The following MDGA2 variants were observed in gnomAD, a reference collection of about 807,000 sequenced individuals.
MDGA2 encodes the protein MAM domain-containing glycosylphosphatidylinositol anchor protein 2.
MDGA2 carries 40 observed loss-of-function variants against 117.8 expected under a neutral mutation model. That is an observed-to-expected ratio of 0.34 (90% CI 0.26 to 0.44). MDGA2 has a LOEUF of 0.44. Among genes scored for constraint, MDGA2 ranks in the 20% least tolerant of loss-of-function variants. The probability of loss-of-function intolerance (pLI) is 1.00; values close to 1 mark genes in which losing one functional copy is unlikely to be tolerated. For synonymous variants in MDGA2, 452 were observed against 439.0 expected (o/e 1.03, Z -0.37); for missense variants, 1,123 against 1,250.6 (o/e 0.90, Z 1.54).
chr14:46,841,956 A>T lies in MDGA2; in HGVS notation c.3053T>A (p.Ile1018Asn). The T allele has an allele frequency of 6.2e-7, 1 of 1,612,606 alleles. No homozygotes were observed. Among genetic ancestry groups the T allele is most frequent in the Middle Eastern group, 1.7e-4 (1 of 6,056 alleles). ...HIWLFPIIVL[I>N]SILSPRR ...TCACCTTCGAGGACTTAAGATAGAG[A>T]TGAGGACGATAATGGGAAAAAGCCA... Residue 1018 changes from isoleucine to asparagine, a missense_variant, in exon 17 of 17, where the codon ATC (isoleucine) becomes AAC (asparagine). This residue lies in a region of MDGA2 where 890 missense variants were observed against 1,050.3 expected (regional missense o/e 0.85). Transcript: ENST00000399232.
chr14:47,530,577 T>C (rs1895077239), intron 1 of MDGA2, among the ~76,000 whole-genome samples: 1 of 152,140 alleles, frequency 6.6e-6, no homozygotes, highest in African/African-American at 2.4e-5. Context: ...CCTCATTAAC[T>C]TACCCCCATC....
chr14:47,623,647 A>G lies in MDGA2; in HGVS notation c.280+50870T>C, dbSNP rs576005586. On this transcript the variant is annotated intron_variant, in intron 1 of 16. Coordinates refer to ENST00000399232, the MANE Select transcript of MDGA2 (RefSeq NM_001113498.3). ...ATCATAAACACCTCATTTAATTGTC[A>G]TTACAATTGTGTGAGTTACAGAAAA... 5.3e-5 allele frequency among the ~76,000 whole-genome samples: 8 copies of G among 152,300 alleles called. 1 individual carries two copies. In the South Asian group the frequency reaches 1.7e-3, roughly 32 times the overall value.
intron 9 of MDGA2, among the ~76,000 whole-genome samples, chr14:46,953,357 G>T (rs1885438166): frequency 1.3e-5 from 2 of 150,146 alleles, no homozygotes; most frequent in African/African-American, 2.4e-5. Flanking sequence ...TCATTTAAAA[G>T]AATCTTAAAA....
At chr14:47,227,034 T>C (rs1338752232) in intron 2 of MDGA2, among the ~76,000 whole-genome samples, 2 of 152,126 alleles carry the variant, frequency 1.3e-5, no homozygotes, top group African/African-American at 4.8e-5. Flanking sequence ...CCTGCCCCCT[T>C]TGTTTCCATG....
chr14:47,589,595 A>G (rs558023976), intron 1 of MDGA2, among the ~76,000 whole-genome samples: 5 of 152,110 alleles, frequency 3.3e-5, no homozygotes, highest in Middle Eastern at 3.4e-3. Context: ...ATATCAGGTC[A>G]CATGAATCCT....
At chr14:47,238,922 G>T (rs1228404612) in intron 2 of MDGA2, among the ~76,000 whole-genome samples, 1 of 151,660 alleles carries the variant, frequency 6.6e-6, no homozygotes, top group Non-Finnish European at 1.5e-5. Flanking sequence ...GATGAGCTAA[G>T]AGGTAGAAAG....
At position 47,407,738 on chromosome 14, in the gene MDGA2, T is replaced by A. The variant is rs1165096897; in HGVS notation, c.281-106188A>T. ...TCAATAGGGCAATACCTTAATATTA[T>A]AGTGAAAATGAGAGTTATTTGTTTA... On this transcript the variant is annotated intron_variant, in intron 1 of 16. Coordinates refer to ENST00000399232, the MANE Select transcript of MDGA2 (RefSeq NM_001113498.3). 5.9e-5 allele frequency among the ~76,000 whole-genome samples: 9 copies of A among 152,314 alleles called. No individual in the cohort carries two copies. In the South Asian group the frequency reaches 1.9e-3, roughly 32 times the overall value.
intron 12 of MDGA2, among the ~76,000 whole-genome samples, chr14:46,875,057 C>T (rs1882170776): frequency 6.6e-6 from 1 of 151,768 alleles, no homozygotes; most frequent in African/African-American, 2.4e-5. Flanking sequence ...TTCACTCAGC[C>T]TCATAACAAC....
intron 2 of MDGA2, among the ~76,000 whole-genome samples, chr14:47,260,709 T>G (rs963885769): frequency 4.6e-4 from 70 of 152,040 alleles, no homozygotes; most frequent in African/African-American, 1.5e-3. Context: ...GAACATACAT[T>G]TGACAGGACT....
intron 1 of MDGA2, among the ~76,000 whole-genome samples, chr14:47,610,802 C>T (rs1267336099): frequency 6.6e-6 from 1 of 151,996 alleles, no homozygotes; most frequent in Non-Finnish European, 1.5e-5. Flanking sequence ...TCTACAAATT[C>T]AATGCAATCC....
At chr14:47,177,830 T>C (rs1318386444) in intron 3 of MDGA2, among the ~76,000 whole-genome samples, 1 of 151,868 alleles carries the variant, frequency 6.6e-6, no homozygotes, top group Non-Finnish European at 1.5e-5. Context: ...AAAGAAGAAA[T>C]TTTATGTTAA....
At chr14:47,375,642 T>A (rs1891461136) in intron 1 of MDGA2, among the ~76,000 whole-genome samples, 2 of 152,098 alleles carry the variant, frequency 1.3e-5, no homozygotes, top group Non-Finnish European at 2.9e-5. Flanking sequence ...ACTCGTCCAA[T>A]CCTCGCAACT....
At chr14:47,278,070 T>C (rs1888361662) in intron 2 of MDGA2, among the ~76,000 whole-genome samples, 1 of 151,982 alleles carries the variant, frequency 6.6e-6, no homozygotes, top group Non-Finnish European at 1.5e-5. Context: ...GAAAAACCTC[T>C]GAGGTTTAAA....
chr14:47,292,959 A>C (rs1888940160), intron 2 of MDGA2, among the ~76,000 whole-genome samples: 1 of 152,154 alleles, frequency 6.6e-6, no homozygotes, highest in Non-Finnish European at 1.5e-5. Flanking sequence ...ATTGATATCT[A>C]TATTGAGTCT....
intron 1 of MDGA2, among the ~76,000 whole-genome samples, chr14:47,508,015 C>A (rs547821863): frequency 1.3e-5 from 2 of 152,308 alleles, no homozygotes; most frequent in Admixed American, 6.5e-5. Flanking sequence ...TACTTCCTGA[C>A]ATCAGTGAAA....
chr14:47,015,633 A>G (rs1410571885), intron 8 of MDGA2, among the ~76,000 whole-genome samples: 2 of 152,128 alleles, frequency 1.3e-5, no homozygotes, highest in African/African-American at 4.8e-5. Flanking sequence ...AAGGATTTGC[A>G]ATTCATTCAT....
At chr14:47,283,739 C>T (rs1888578957) in intron 2 of MDGA2, among the ~76,000 whole-genome samples, 1 of 152,142 alleles carries the variant, frequency 6.6e-6, no homozygotes, top group African/African-American at 2.4e-5. Context: ...TCCTGTAGTG[C>T]TATTTTTAAA....
chr14:47,016,226 T>TA (rs1451525693), intron 8 of MDGA2, among the ~76,000 whole-genome samples: 2 of 152,038 alleles, frequency 1.3e-5, no homozygotes, highest in East Asian at 1.9e-4. Flanking sequence ...CTTAGCCATT[T>TA]AAAAAATGGT....
intron 2 of MDGA2, among the ~76,000 whole-genome samples, chr14:47,256,856 G>C (rs1029144508): frequency 6.6e-6 from 1 of 150,738 alleles, no homozygotes; most frequent in African/African-American, 2.4e-5. Context: ...CAGGAAGACA[G>C]AGAGGGAGAG....
Sources: gnomAD v4.1 joint callset for allele counts (sites outside exome capture counted in the v4.1 genomes callset) on GRCh38, gnomAD v4.1.1 for gene constraint, gnomAD v4.1.1 regional missense constraint, MANE v1.5 for transcripts, NCBI Gene and HGNC (gene_info 2026-07-23, HGNC 2026-07-21) for gene names.